Variants in SGSM1 observed in about 807,000 individuals in gnomAD.
The protein encoded by SGSM1 is small G protein signaling modulator 1.
In SGSM1, 73 loss-of-function variants were observed where a neutral mutation model predicts 133.8. The observed-to-expected ratio is 0.55, with a 90% CI of 0.45 to 0.66. SGSM1 has a LOEUF of 0.66. SGSM1 is among the 30% of genes least tolerant of loss of function. SGSM1 has a pLI of 0.00. For missense variants in SGSM1, 1,213 were observed against 1,448.1 expected (o/e 0.84, Z 2.64); for synonymous variants, 563 against 573.0 (o/e 0.98, Z 0.25).
intron 2 of SGSM1, among the ~76,000 whole-genome samples, chr22:24,830,323 C>T (rs1468535077): frequency 6.6e-6 from 1 of 152,142 alleles, no homozygotes; most frequent in Non-Finnish European, 1.5e-5. Context: ...GCACCCTTAC[C>T]CAGGTGCAGA....
At position 24,840,986 on chromosome 22, in the gene SGSM1, G is replaced by A. The variant is rs528382669; in HGVS notation, c.64-3911G>A. On this transcript the variant is annotated intron_variant, in intron 2 of 24. Coordinates refer to ENST00000400358, the MANE Select transcript of SGSM1 (RefSeq NM_001098497.3). Reference sequence around the variant, plus strand: ...TTGCCTCAGCCTCTCGAGTAGCTGGGACTACAGGCGCCCACCACCACGCCC... The same window carrying A: ...TTGCCTCAGCCTCTCGAGTAGCTGGAACTACAGGCGCCCACCACCACGCCC... Among the ~76,000 whole-genome samples, 146 of 152,150 alleles carry A rather than the reference G, an allele frequency of 9.6e-4. 1 individual carries two copies. Among genetic ancestry groups the A allele is most frequent in the African/African-American group, 3.3e-3 (136 of 41,506 alleles).
intron 2 of SGSM1, among the ~76,000 whole-genome samples, chr22:24,825,413 TAA>T (rs1431173954): frequency 6.6e-6 from 1 of 152,106 alleles, no homozygotes; most frequent in Non-Finnish European, 1.5e-5. Flanking sequence ...GCTCACTTAC[TAA>T]GTTATTTTTA....
Position 24,887,612 on chromosome 22 carries a change from G to A in SGSM1, c.1770+884G>A, listed in dbSNP as rs145151681. 5.7e-3 allele frequency among the ~76,000 whole-genome samples: 869 copies of A among 152,276 alleles called. 9 individuals carry two copies. The highest frequency in any genetic ancestry group is 0.02 in the African/African-American group (817 of 41,562). On this transcript the variant is annotated intron_variant, in intron 16 of 24. Transcript: ENST00000400358. ...GGGATAAATGAGTAAGAATGTAATT[G>A]CTGGGTCATATAGTAGTCGCATGTT...
Position 24,905,205 on chromosome 22 carries a change from G to T in SGSM1, c.2818+18G>T, listed in dbSNP as rs185961527. 5 of 1,610,888 alleles carry T rather than the reference G, an allele frequency of 3.1e-6. No homozygotes were observed. The highest frequency in any genetic ancestry group is 4.2e-6 in the Non-Finnish European group (5 of 1,177,040). ...GGATGATGGTGAGTGTGTCTTTACT[G>T]CCCTAGGGCTGAGGGTGCATTTCCT... On this transcript the variant is annotated intron_variant, in intron 21 of 24. Coordinates refer to ENST00000400358, the MANE Select transcript of SGSM1 (RefSeq NM_001098497.3).
At chr22:24,825,610 A>C (rs2147801503) in intron 2 of SGSM1, among the ~76,000 whole-genome samples, 1 of 152,132 alleles carries the variant, frequency 6.6e-6, no homozygotes, top group Middle Eastern at 3.4e-3. Context: ...TTGTATTTTT[A>C]GTAGAGACGG....
rs370266335 is a variant in SGSM1 at position 24,821,868 on chromosome 22, T to C, written c.63+15384T>C. 3.1e-4 allele frequency among the ~76,000 whole-genome samples: 47 copies of C among 152,238 alleles called. 1 individual carries two copies. Among genetic ancestry groups the C allele is most frequent in the African/African-American group, 1.1e-3 (46 of 41,556 alleles). ...GCCACATGTGCAGCCTACCCCACTG[T>C]CAACATCCTCGGCCAGAGTGGTACC... On this transcript the variant is annotated intron_variant, in intron 2 of 24. Coordinates refer to ENST00000400358, the MANE Select transcript of SGSM1 (RefSeq NM_001098497.3).
chr22:24,885,123 C>T (rs1236160771), intron 15 of SGSM1, among the ~76,000 whole-genome samples: 2 of 150,432 alleles, frequency 1.3e-5, no homozygotes, highest in Non-Finnish European at 3.0e-5. Context: ...TAAGTAGAGA[C>T]GGGGTTTCTC....
chr22:24,905,044 G>A, intron 20 of SGSM1, 61 bp from the exon 21 acceptor site: 1 of 1,393,260 alleles, frequency 7.2e-7, no homozygotes, highest in Non-Finnish European at 1.0e-6. Context: ...GGAACAGAAG[G>A]TGGAGTGGGT....
chr22:24,884,573 A>G (rs1433765666), intron 15 of SGSM1, among the ~76,000 whole-genome samples: 2 of 152,256 alleles, frequency 1.3e-5, no homozygotes, highest in African/African-American at 4.8e-5. Context: ...CCTGTCAAAC[A>G]CGGTGAAACC....
chr22:24,882,940 C>A (rs1363252096), intron 14 of SGSM1, among the ~76,000 whole-genome samples: 1 of 151,684 alleles, frequency 6.6e-6, no homozygotes, highest in Non-Finnish European at 1.5e-5. Context: ...CTCTGTCGCC[C>A]AGGCTGGAGT....
chr22:24,916,115 A>T (rs932165768), intron 22 of SGSM1, among the ~76,000 whole-genome samples: 1 of 152,106 alleles, frequency 6.6e-6, no homozygotes, highest in Non-Finnish European at 1.5e-5. Context: ...TGTACGATTC[A>T]GTGGCTTTTC....
At position 24,826,346 on chromosome 22, in the gene SGSM1, A is replaced by T. The variant is rs1052577830; in HGVS notation, c.64-18551A>T. On this transcript the variant is annotated intron_variant, in intron 2 of 24. Coordinates refer to ENST00000400358, the MANE Select transcript of SGSM1 (RefSeq NM_001098497.3). ...ACCCTGTAATTGATCAGGCAGTCCT[A>T]CCCCAAACCCTAAAACATTTGCTAC... Among the ~76,000 whole-genome samples, 3 of 152,202 alleles carry T rather than the reference A, an allele frequency of 2.0e-5. No individual in the cohort carries two copies. In the East Asian group the frequency reaches 5.8e-4, roughly 29 times the overall value.
In SGSM1 at chr22:24,825,010, A is replaced by T. The variant is rs1299839930; in HGVS notation, c.63+18526A>T. The stretch of plus-strand genomic sequence containing the variant: ...ATGAATGACAGTTTTGGTTCCTGTG[A>T]TATGTGCAGGGAAGGAGGTGTTAAT... On this transcript the variant is annotated intron_variant, in intron 2 of 24. Transcript: ENST00000400358. Among the ~76,000 whole-genome samples, 5 of 152,132 alleles carry T rather than the reference A, an allele frequency of 3.3e-5. No individual in the cohort carries two copies. In the East Asian group the frequency reaches 7.7e-4, roughly 23 times the overall value.
intron 17 of SGSM1, among the ~76,000 whole-genome samples, chr22:24,894,755 C>T (rs1311219544): frequency 6.6e-6 from 1 of 152,114 alleles, no homozygotes; most frequent in Admixed American, 6.6e-5. Context: ...GTGTTCTAAG[C>T]CTCTGCTGAG....
intron 23 of SGSM1, among the ~76,000 whole-genome samples, chr22:24,918,276 G>A (rs1428455569): frequency 3.9e-5 from 6 of 152,010 alleles, no homozygotes; most frequent in South Asian, 2.1e-4. Flanking sequence ...AGGCCAAGGC[G>A]GTCAGATCAT....
intron 9 of SGSM1, among the ~76,000 whole-genome samples, chr22:24,863,399 C>T (rs544639866): frequency 6.6e-6 from 1 of 152,272 alleles, no homozygotes; most frequent in African/African-American, 2.4e-5. Flanking sequence ...CCTCGTGATC[C>T]ACCCGCCTCC....
In SGSM1 at chr22:24,888,756, G is replaced by A. The variant is rs140336538; in HGVS notation, c.1770+2028G>A. The stretch of plus-strand genomic sequence containing the variant: ...GTCATGCCACTGCAGTCCAGCATGG[G>A]CAATAGAGCAAGACTCCATCTCAAA... On this transcript the variant is annotated intron_variant, in intron 16 of 24. Transcript: ENST00000400358. Among the ~76,000 whole-genome samples, 1,289 of 152,022 alleles carry A rather than the reference G, an allele frequency of 8.5e-3. 20 individuals carry two copies. The highest frequency in any genetic ancestry group is 0.03 in the African/African-American group (1,226 of 41,482).
intron 15 of SGSM1, among the ~76,000 whole-genome samples, chr22:24,886,151 C>T (rs1440142085): frequency 1.3e-5 from 2 of 151,612 alleles, no homozygotes; most frequent in East Asian, 1.9e-4. Flanking sequence ...CCAAGGAGGG[C>T]GAATCACCTG....
Position 24,884,175 on chromosome 22 carries a change from G to C in SGSM1, c.1618G>C (p.Glu540Gln). ...AGQGLTARIW[E>Q]QYLHDSTSYE... ...ACAGGGACTGACAGCCAGGATCTGG[G>C]AGCAGTACCTTCACGACAGCACAGT... Residue 540 changes from glutamate (E) to glutamine (Q), a missense_variant, in exon 15 of 25, where the codon GAG becomes CAG. Coordinates refer to ENST00000400358, the MANE Select transcript of SGSM1 (RefSeq NM_001098497.3). The C allele has an allele frequency of 1.2e-6, 2 of 1,613,950 alleles. No individual in the cohort carries two copies. Among genetic ancestry groups the C allele is most frequent in the Non-Finnish European group, 1.7e-6 (2 of 1,179,856 alleles).
Sources: gnomAD v4.1 joint callset for allele counts (sites outside exome capture counted in the v4.1 genomes callset) on GRCh38, gnomAD v4.1.1 for gene constraint, MANE v1.5 for transcripts, NCBI Gene and HGNC (gene_info 2026-07-23, HGNC 2026-07-21) for gene names.